The following SEMA4D variants were observed in gnomAD, a reference collection of about 807,000 sequenced individuals.
The protein encoded by SEMA4D is semaphorin-4D.
Under a neutral mutation model 74.8 loss-of-function variants are expected in SEMA4D, and 22 were observed. The ratio of observed to expected loss-of-function variants is 0.29; its 90% CI spans 0.21 to 0.42. SEMA4D has a LOEUF of 0.42. Ranked by LOEUF, SEMA4D falls within the 10% of genes least tolerant of loss-of-function variation. SEMA4D has a pLI of 1.00. For synonymous variants in SEMA4D, 445 were observed against 463.7 expected, an observed-to-expected ratio of 0.96 and a Z score of 0.52; for missense variants, 937 against 1,118.4, an observed-to-expected ratio of 0.84 and a Z score of 2.31.
chr9:89,447,610 C>G (rs1382140561), intron 2 of SEMA4D, among the ~76,000 whole-genome samples: 1 of 152,158 alleles, frequency 6.6e-6, no homozygotes, highest in Admixed American at 6.5e-5. Context: ...CTGCACCGTG[C>G]CCACACCAGC....
Position 89,381,014 on chromosome 9 carries a change from C to G in SEMA4D, c.1663+41G>C, listed in dbSNP as rs369333045. 1 of 1,612,008 alleles carries G rather than the reference C, an allele frequency of 6.2e-7. No individual in the cohort carries two copies. Among genetic ancestry groups the G allele is most frequent in the South Asian group, 1.1e-5 (1 of 91,034 alleles). ...GCACCGTGAAATGGCTACAAGACCTCGCCACTCCCAAAGGAAATGGGACGT... is the reference window on the plus strand; with the variant it reads ...GCACCGTGAAATGGCTACAAGACCTGGCCACTCCCAAAGGAAATGGGACGT... On this transcript the variant is annotated intron_variant, in intron 15 of 15. Transcript: ENST00000422704. This position sits in a 1 kb window ranked among gnomAD's most constrained non-coding sequence, Gnocchi z 4.6.
intron 2 of SEMA4D, among the ~76,000 whole-genome samples, chr9:89,434,470 G>A (rs1161110816): frequency 6.6e-6 from 1 of 152,138 alleles, no homozygotes; most frequent in East Asian, 1.9e-4. Context: ...CTTTTCTCCT[G>A]TTACTGTCTT....
intron 1 of SEMA4D, among the ~76,000 whole-genome samples, chr9:89,467,408 C>T (rs1859009154): frequency 1.4e-5 from 2 of 147,374 alleles, no homozygotes; most frequent in Non-Finnish European, 3.0e-5. Context: ...TACATAAGGA[C>T]ATACATGGTG....
Position 89,383,548 on chromosome 9 carries a change from A to G in SEMA4D, c.1447-2202T>C, listed in dbSNP as rs541300850. Among the ~76,000 whole-genome samples the G allele has an allele frequency of 2.0e-5, 3 of 152,300 alleles. No individual in the cohort carries two copies. The South Asian group carries it at 6.2e-4, about 32-fold the overall frequency. On this transcript the variant is annotated intron_variant, in intron 13 of 15. Transcript: ENST00000422704. ...CAGAAGCCGAGGAGATGCAGTGTCC[A>G]GTGCAACCTGAGGTGCTGAGCCAGG...
rs67247190 is a variant in SEMA4D, at chr9:89,363,267, TC to T, written c.2190+162del. ...AGTCTCAGCAACAAGACGTGGGATT[TC>T]CCCCCCCAGTGTTGCAGATTTCATA... is the stretch of plus-strand genomic sequence containing the variant. On this transcript the variant is annotated intron_variant, in intron 18 of 18. Transcript: ENST00000339861. Among the ~76,000 whole-genome samples the T allele has an allele frequency of 1.2e-4, 18 of 151,670 alleles. No individual in the cohort carries two copies. In the South Asian group the frequency reaches 1.5e-3, roughly 12 times the overall value.
intron 18 of SEMA4D, chr9:89,362,457 T>G: frequency 1.2e-6 from 2 of 1,614,008 alleles, no homozygotes; most frequent in Non-Finnish European, 1.7e-6. Context: ...CTTTGAATCC[T>G]TGGTGGAACG....
At chr9:89,420,123 T>C (rs1458473602) in intron 2 of SEMA4D, among the ~76,000 whole-genome samples, 1 of 152,168 alleles carries the variant, frequency 6.6e-6, no homozygotes, top group African/African-American at 2.4e-5. Flanking sequence ...AACACCAGCA[T>C]CCTTGTGTCC....
intron 1 of SEMA4D, among the ~76,000 whole-genome samples, chr9:89,472,936 A>C (rs1255097819): frequency 1.3e-5 from 2 of 152,054 alleles, no homozygotes; most frequent in Non-Finnish European, 2.9e-5. Context: ...TCTATAAAAA[A>C]TGTAAAAAAA....
At chr9:89,398,755 C>T (rs1231250123) in intron 5 of SEMA4D, among the ~76,000 whole-genome samples, 2 of 152,210 alleles carry the variant, frequency 1.3e-5, no homozygotes, top group Non-Finnish European at 2.9e-5. Context: ...CTGCTGGCAC[C>T]CAAAACAGCT....
chr9:89,483,832 G>A (rs184874681), intron 1 of SEMA4D, among the ~76,000 whole-genome samples: 4 of 152,320 alleles, frequency 2.6e-5, no homozygotes, highest in Admixed American at 2.0e-4. Context: ...CACACAGCCA[G>A]GCTGCCTGAT....
At chr9:89,439,056 A>AAG (rs1317093102) in intron 2 of SEMA4D, among the ~76,000 whole-genome samples, 237 of 131,000 alleles carry the variant, frequency 1.8e-3, no homozygotes, top group African/African-American at 6.6e-3. Flanking sequence ...ATCTCCGCTC[A>AAG]CTGCAACCTC....
intron 5 of SEMA4D, among the ~76,000 whole-genome samples, chr9:89,398,920 G>C (rs1429818206): frequency 6.6e-6 from 1 of 152,232 alleles, no homozygotes; most frequent in African/African-American, 2.4e-5. Context: ...GCCTCTGGGT[G>C]CAAGGAGGCA....
At chr9:89,392,609 A>G in intron 7 of SEMA4D, 73 bp from the exon 8 acceptor site, 1 of 905,954 alleles carries the variant, frequency 1.1e-6, no homozygotes, top group Non-Finnish European at 1.8e-6. Flanking sequence ...TGGGACAAAC[A>G]TTCAACACGG....
Position 89,498,057 on chromosome 9 carries a change from G to T in SEMA4D, c.-448C>A, listed in dbSNP as rs1826172803. On this transcript the variant is annotated 5_prime_UTR_variant, in exon 1 of 16. Transcript: ENST00000422704. ...GGCGGGGAGGCCCGGCGGCGGCAGCGGCGGCTGGGATGCTGCGGCGCGCGA... is the reference window on the plus strand; with the variant it reads ...GGCGGGGAGGCCCGGCGGCGGCAGCTGCGGCTGGGATGCTGCGGCGCGCGA... The T allele has an allele frequency of 6.7e-6, 1 of 148,386 alleles. No individual in the cohort carries two copies. The highest frequency in any genetic ancestry group is 1.5e-5 in the Non-Finnish European group (1 of 66,212). The allele number at this position is 148,386 out of a possible 1,614,324, so 9.2% of individuals were successfully genotyped here.
chr9:89,425,509 T>G (rs1314674821), intron 2 of SEMA4D, among the ~76,000 whole-genome samples: 6 of 152,232 alleles, frequency 3.9e-5, no homozygotes, highest in Non-Finnish European at 8.8e-5. Context: ...GGGAAGGGGC[T>G]GCTCACACCT....
chr9:89,492,396 A>C lies in SEMA4D; in HGVS notation c.-310+5523T>G, dbSNP rs991911968. ...TCTTTTCCATCTACCTCAACTCCCT[A>C]GTGGTCTCATCCAAACTCCCTTTCA... On this transcript the variant is annotated intron_variant, in intron 1 of 15. Transcript: ENST00000422704. The surrounding 1 kb of genome is among the most constrained non-coding windows in gnomAD (Gnocchi z 4.3). Among the ~76,000 whole-genome samples, 7 of 151,994 alleles carry C rather than the reference A, an allele frequency of 4.6e-5. No homozygotes were observed. The highest frequency in any genetic ancestry group is 1.7e-4 in the African/African-American group (7 of 41,362).
rs765784535 is a variant in SEMA4D at position 89,378,701 on chromosome 9, G to T, written c.*3C>A. ...AGGCACCAGCGGGGATGCACAGCCG[G>T]CCTCAGTCTCCATCTGCGTCTGAGT... On this transcript the variant is annotated 3_prime_UTR_variant, in exon 16 of 16. Coordinates refer to ENST00000422704, the MANE Select transcript of SEMA4D (RefSeq NM_001371194.2). 1 of 1,610,796 alleles carries T rather than the reference G, an allele frequency of 6.2e-7. No homozygotes were observed. The highest frequency in any genetic ancestry group is 1.7e-4 in the Middle Eastern group (1 of 6,050).
chr9:89,377,994 A>C lies in SEMA4D; in HGVS notation c.*710T>G, dbSNP rs1047127325. On this transcript the variant is annotated 3_prime_UTR_variant, in exon 16 of 16. Transcript: ENST00000422704. ...AAAAAAAAAAAAAGAAAAAGAAAAA[A>C]GGTGAGTGGGCTCCGGGGAGTGTTT... 6.6e-6 allele frequency: 1 copy of C among 152,492 alleles called. No individual in the cohort carries two copies. Among genetic ancestry groups the C allele is most frequent in the African/African-American group, 2.4e-5 (1 of 41,462 alleles). The allele number at this position is 152,492 out of a possible 1,614,324, so 9.4% of individuals were successfully genotyped here.
At chr9:89,385,225 C>T (rs1010481847) in intron 13 of SEMA4D, 1 of 977,124 alleles carries the variant, frequency 1.0e-6, no homozygotes, top group African/African-American at 1.8e-5. Flanking sequence ...TGGAAGCCTC[C>T]ACCAGCCTGG....
Sources: gnomAD v4.1 joint callset for allele counts (sites outside exome capture counted in the v4.1 genomes callset) on GRCh38, gnomAD v4.1.1 for gene constraint, Gnocchi (gnomAD v3.1) non-coding constraint, MANE v1.5 for transcripts, NCBI Gene and HGNC (gene_info 2026-07-23, HGNC 2026-07-21) for gene names.